The following FBRSL1 variants were observed in gnomAD, a reference collection of about 807,000 sequenced individuals.
The protein encoded by FBRSL1 is fibrosin like 1.
A neutral mutation model predicts 89.6 loss-of-function variants in FBRSL1; 51 were observed. The observed-to-expected ratio is 0.57, with a 90% CI of 0.45 to 0.72. FBRSL1 has a LOEUF of 0.72. Among genes scored for constraint, FBRSL1 ranks in the 30% least tolerant of loss-of-function variants. The pLI, the probability that FBRSL1 is intolerant of heterozygous loss-of-function variation, is 0.00. For synonymous variants in FBRSL1, 779 were observed against 681.1 expected (o/e 1.14, Z -2.24); for missense variants, 1,618 against 1,451.8 (o/e 1.11, Z -1.86).
chr12:132,583,704 C>G lies in FBRSL1; in HGVS notation c.2935C>G (p.Leu979Val). Residue 979 changes from leucine (L) to valine (V), a missense_variant, in exon 19 of 19, where the codon CTG becomes GTG. Coordinates refer to ENST00000680143, the MANE Select transcript of FBRSL1 (RefSeq NM_001367871.1). ...GCCGCCGCGGAGCCGGACTACTCCG[C>G]TGGGGGGCCTCGGGCCGGGCGAGGC... ...PGPPRSRTTP[L>V]GGLGPGEARD... 8.4e-7 allele frequency: 1 copy of G among 1,194,192 alleles called. No individual in the cohort carries two copies. 74.0% of individuals were successfully genotyped at this position (1,194,192 alleles called of 1,614,324 possible). A position where few individuals can be genotyped will look rare whatever the true frequency, so the allele number is the denominator to read the frequency against.
At chr12:132,569,087 C>G (rs1044828784) in intron 6 of FBRSL1, among the ~76,000 whole-genome samples, 5 of 152,146 alleles carry the variant, frequency 3.3e-5, no homozygotes, top group African/African-American at 1.2e-4. Flanking sequence ...GGCCCCCTGA[C>G]CGTGGCAGCT....
Position 132,546,171 on chromosome 12 carries a change from C to T in FBRSL1, c.616-1832C>T, listed in dbSNP as rs2037669019. ...CACGTCCTGGTCTTTGCTTCCTTTG[C>T]TCCTGGCTGAGCCTGGGCAGTTCCA... On this transcript the variant is annotated intron_variant, in intron 4 of 18. Transcript: ENST00000680143. The surrounding 1 kb of genome is among the most constrained non-coding windows in gnomAD (Gnocchi z 4.0). Among the ~76,000 whole-genome samples, 1 of 152,254 alleles carries T rather than the reference C, an allele frequency of 6.6e-6. No individual in the cohort carries two copies. Among genetic ancestry groups the T allele is most frequent in the Non-Finnish European group, 1.5e-5 (1 of 68,042 alleles).
intron 4 of FBRSL1, among the ~76,000 whole-genome samples, chr12:132,545,504 G>C (rs891423835): frequency 6.6e-6 from 1 of 152,226 alleles, no homozygotes; most frequent in Non-Finnish European, 1.5e-5. Flanking sequence ...CCTCTGGTGC[G>C]CTTGCTGGAA....
At position 132,584,301 on chromosome 12, in the gene FBRSL1, GTTT is replaced by G. The variant is rs1313317648; in HGVS notation, c.*528_*530del. The G allele has an allele frequency of 6.6e-6, 1 of 151,934 alleles. No homozygotes were observed. Among genetic ancestry groups the G allele is most frequent in the Non-Finnish European group, 1.5e-5 (1 of 67,958 alleles). 9.4% of individuals were successfully genotyped at this position (151,934 alleles called of 1,614,324 possible). A position where few individuals can be genotyped will look rare whatever the true frequency, so the allele number is the denominator to read the frequency against. On this transcript the variant is annotated 3_prime_UTR_variant, in exon 19 of 19. Coordinates refer to ENST00000680143, the MANE Select transcript of FBRSL1 (RefSeq NM_001367871.1). ...TTAAAATAATAATGTACAAAACTTT[GTTT>G]TTTTGCCTTATTATGCAGAAGTGTA...
At chr12:132,530,001 C>G (rs574759290) in intron 4 of FBRSL1, among the ~76,000 whole-genome samples, 1 of 152,196 alleles carries the variant, frequency 6.6e-6, no homozygotes, top group Non-Finnish European at 1.5e-5. Context: ...TGTGGGTGTC[C>G]TGACAGCCAT....
rs780023111 is a variant in FBRSL1, at chr12:132,574,514, G to A, written c.1651G>A (p.Val551Met). 4.4e-5 allele frequency: 68 copies of A among 1,550,126 alleles called. No individual in the cohort carries two copies. The Admixed American group carries it at 4.7e-4, about 11-fold the overall frequency. Residue 551 changes from valine to methionine, a missense_variant, in exon 14 of 19, where the codon GTG (valine) becomes ATG (methionine). By Grantham distance (21) the Val-to-Met change is conservative (BLOSUM62 1). Coordinates refer to ENST00000680143, the MANE Select transcript of FBRSL1 (RefSeq NM_001367871.1). ...VVKKPGRWCA[V>M]HVQIAWQIYR... ...GCAGAAGCCGGGGAGGTGGTGTGCC[G>A]TGCACGTGCAGATCGCCTGGCAGAT...
At chr12:132,496,212 C>T (rs1303709108) in intron 1 of FBRSL1, among the ~76,000 whole-genome samples, 1 of 152,256 alleles carries the variant, frequency 6.6e-6, no homozygotes, top group Non-Finnish European at 1.5e-5. Flanking sequence ...GTCAGACCCA[C>T]ACTAGACCCT....
intron 4 of FBRSL1, among the ~76,000 whole-genome samples, chr12:132,539,366 C>T (rs1566167080): frequency 6.7e-6 from 1 of 149,390 alleles, no homozygotes; most frequent in African/African-American, 2.5e-5. Flanking sequence ...CCAGTCCTGC[C>T]CTCCAGCCCC....
Position 132,510,381 on chromosome 12 carries a change from C to G in FBRSL1, c.489+2031C>G, listed in dbSNP as rs186301739. The G allele has an allele frequency of 2.5e-5, 31 of 1,231,830 alleles. 1 individual carries two copies. Among genetic ancestry groups the G allele is most frequent in the Non-Finnish European group, 2.8e-5 (28 of 987,968 alleles). The allele number at this position is 1,231,830 out of a possible 1,614,324, so 76.3% of individuals were successfully genotyped here. A position where few individuals can be genotyped will look rare whatever the true frequency, so the allele number is the denominator to read the frequency against. ...CCATCCCTGCCGGCCCCTGCGGTCC[C>G]GGTGGACCCGATCCTGTGCCCCCGG... On this transcript the variant is annotated intron_variant, in intron 2 of 18. Coordinates refer to ENST00000680143, the MANE Select transcript of FBRSL1 (RefSeq NM_001367871.1).
At chr12:132,500,178 A>C (rs534215198) in intron 1 of FBRSL1, among the ~76,000 whole-genome samples, 1 of 152,170 alleles carries the variant, frequency 6.6e-6, no homozygotes, top group African/African-American at 2.4e-5. Context: ...ACCCTGCCCC[A>C]CTGAGGCCAG....
intron 5 of FBRSL1, among the ~76,000 whole-genome samples, chr12:132,559,690 C>G (rs1187598662): frequency 3.3e-5 from 5 of 152,236 alleles, no homozygotes; most frequent in African/African-American, 1.2e-4. Flanking sequence ...CCGGCCACCG[C>G]GCCCGGCTGT....
At chr12:132,490,908 C>T in intron 1 of FBRSL1, 47 bp downstream of exon 1, 2 of 1,185,382 alleles carry the variant, frequency 1.7e-6, no homozygotes, top group Non-Finnish European at 2.1e-6. Flanking sequence ...GAGAACGGGG[C>T]CCGGAGTTGA....
intron 1 of FBRSL1, among the ~76,000 whole-genome samples, chr12:132,496,434 C>G (rs1223213669): frequency 6.6e-6 from 1 of 152,156 alleles, no homozygotes; most frequent in Non-Finnish European, 1.5e-5. Flanking sequence ...TTTACCCGGG[C>G]TTGTGTTTTT....
intron 1 of FBRSL1, among the ~76,000 whole-genome samples, chr12:132,497,474 G>C (rs553099537): frequency 7.1e-4 from 108 of 152,222 alleles, no homozygotes; most frequent in African/African-American, 2.5e-3. Flanking sequence ...GAGTCTCCAG[G>C]AGTCCCTGAG....
At chr12:132,533,621 TCCATCTGCAC>T (rs1355036671) in intron 4 of FBRSL1, among the ~76,000 whole-genome samples, 2 of 152,250 alleles carry the variant, frequency 1.3e-5, no homozygotes, top group Admixed American at 6.5e-5. Flanking sequence ...CACCCATTTG[TCCATCTGCAC>T]CCACCCACAT....
chr12:132,512,246 C>T (rs1318806385), intron 2 of FBRSL1, among the ~76,000 whole-genome samples: 1 of 152,260 alleles, frequency 6.6e-6, no homozygotes, highest in Non-Finnish European at 1.5e-5. Context: ...GGGGGGCACC[C>T]ATCCCCGGGA....
chr12:132,494,015 G>A (rs1333970104), intron 1 of FBRSL1, among the ~76,000 whole-genome samples: 1 of 152,170 alleles, frequency 6.6e-6, no homozygotes, highest in Non-Finnish European at 1.5e-5. Context: ...GTGCTGGGCT[G>A]GGTGTGCTGG....
At chr12:132,581,314 G>T in intron 15 of FBRSL1, 125 bp from the exon 16 acceptor site, 1 of 1,538,090 alleles carries the variant, frequency 6.5e-7, no homozygotes, top group Non-Finnish European at 8.8e-7. Context: ...ACCCCTCAGG[G>T]CATGCGAGAG....
chr12:132,501,902 G>A lies in FBRSL1; in HGVS notation c.292-6251G>A, dbSNP rs60315091. Among the ~76,000 whole-genome samples the A allele has an allele frequency of 2.1e-3, 314 of 152,338 alleles. 1 individual carries two copies. The highest frequency in any genetic ancestry group is 7.2e-3 in the African/African-American group (300 of 41,576). On this transcript the variant is annotated intron_variant, in intron 1 of 18. Coordinates refer to ENST00000680143, the MANE Select transcript of FBRSL1 (RefSeq NM_001367871.1). ...GGGTCCTGCCCTGCGTCCCCCCTTT[G>A]GGGACAGCCTCACCTGCCCGGTGTC...
Sources: gnomAD v4.1 joint callset for allele counts (sites outside exome capture counted in the v4.1 genomes callset) on GRCh38, gnomAD v4.1.1 for gene constraint, Gnocchi (gnomAD v3.1) non-coding constraint, MANE v1.5 for transcripts, NCBI Gene and HGNC (gene_info 2026-07-23, HGNC 2026-07-21) for gene names.